Variants in PSMA1 observed in about 807,000 individuals in gnomAD.
PSMA1 encodes proteasome 20S subunit alpha 1.
PSMA1 carries 3 observed loss-of-function variants against 38.4 expected under a neutral mutation model. The ratio of observed to expected loss-of-function variants is 0.08; its 90% CI spans 0.04 to 0.20. The LOEUF (loss-of-function observed/expected upper bound fraction) is 0.20, where lower values mean the gene tolerates loss of function less well. Among genes scored for constraint, PSMA1 ranks in the 10% least tolerant of loss-of-function variants. The pLI is 1.00. For missense variants in PSMA1, 227 were observed against 325.3 expected, an observed-to-expected ratio of 0.70 and a Z score of 2.32; for synonymous variants, 101 against 107.1, an observed-to-expected ratio of 0.94 and a Z score of 0.35.
chr11:14,571,164 G>C (rs933718261), intron 2 of PSMA1, among the ~76,000 whole-genome samples: 1 of 152,284 alleles, frequency 6.6e-6, no homozygotes, highest in East Asian at 1.9e-4. Context: ...CCAGGTTCTC[G>C]CCATTCTCCT....
chr11:14,579,486 CTTTTTTTT>C (rs756980966), intron 2 of PSMA1, among the ~76,000 whole-genome samples: 68 of 112,524 alleles, frequency 6.0e-4, no homozygotes, highest in Admixed American at 1.8e-3. Flanking sequence ...GCTGCAAAGA[CTTTTTTTT>C]TTTTTTTTTT....
At position 14,552,630 on chromosome 11, in the gene PSMA1, G is replaced by T. The variant is rs941666082; in HGVS notation, c.22-33589C>A. Reference sequence around the variant, plus strand: ...GCTACTTGCCTTCTTGAAGCAGTGAGCATCTGCATTAGAGTCCCCCTGGGC... The same window carrying T: ...GCTACTTGCCTTCTTGAAGCAGTGATCATCTGCATTAGAGTCCCCCTGGGC... On this transcript the variant is annotated intron_variant, in intron 2 of 10. Coordinates refer to the PSMA1 transcript ENST00000418988. 3.3e-5 allele frequency among the ~76,000 whole-genome samples: 5 copies of T among 152,040 alleles called. No homozygotes were observed. In the South Asian group the frequency reaches 1.0e-3, roughly 32 times the overall value.
intron 1 of PSMA1, chr11:14,519,278 ACACCCTCCATATCAACCCCTT>A: frequency 1.7e-6 from 1 of 573,022 alleles, no homozygotes; most frequent in Non-Finnish European, 3.3e-6. Context: ...TCTTATTCTA[ACACCCTCCATATCAACCCCTT>A]TAGGCTCAAT....
Position 14,507,725 on chromosome 11 carries a change from T to C in PSMA1, c.666A>G (p.Thr222=). The stretch of plus-strand genomic sequence containing the variant: ...GAGACACATCATCATCATCATAGAT[T>C]GTAAACTCCAAGTCTTTACCAACAA... ...IGIVGKDLEF[T]IYDDDDVSPF... Residue 222 remains threonine, a synonymous_variant, in exon 9 of 10, where the codon ACA becomes ACG. Coordinates refer to ENST00000396394, the MANE Select transcript of PSMA1 (RefSeq NM_002786.4). 1.9e-6 allele frequency: 3 copies of C among 1,613,310 alleles called. No individual in the cohort carries two copies. Among genetic ancestry groups the C allele is most frequent in the Non-Finnish European group, 2.5e-6 (3 of 1,179,466 alleles).
chr11:14,611,153 T>C lies in PSMA1; in HGVS notation c.-165-2A>G. On this transcript the variant is annotated splice_acceptor_variant, in intron 1 of 10. Coordinates refer to the PSMA1 transcript ENST00000418988. LOFTEE classifies it low-confidence loss of function (5UTR_SPLICE). ...CATGCTTTTTGCAGGGTGGAATACC[T>C]GAAAGACAATGGAGAAGGTAAAAGG... 1 of 612,060 alleles carries C rather than the reference T, an allele frequency of 1.6e-6. No homozygotes were observed. Among genetic ancestry groups the C allele is most frequent in the Middle Eastern group, 3.4e-4 (1 of 2,964 alleles). The allele number at this position is 612,060 out of a possible 1,614,324, so 37.9% of individuals were successfully genotyped here.
chr11:14,586,897 A>G (rs1298084398), intron 2 of PSMA1, among the ~76,000 whole-genome samples: 1 of 151,932 alleles, frequency 6.6e-6, no homozygotes, highest in Non-Finnish European at 1.5e-5. Flanking sequence ...AGTAGCTGGG[A>G]TTACAGGTGC....
At chr11:14,633,543 C>G (rs1187521807) in intron 1 of PSMA1, among the ~76,000 whole-genome samples, 41 of 152,146 alleles carry the variant, frequency 2.7e-4, no homozygotes, top group African/African-American at 9.9e-4. Flanking sequence ...CTCTTCAAAG[C>G]TGTCAGACAG....
chr11:14,521,628 C>G (rs1851531359), upstream of PSMA1, among the ~76,000 whole-genome samples: 1 of 151,186 alleles, frequency 6.6e-6, no homozygotes, highest in South Asian at 2.1e-4. Context: ...ACTAAAAATA[C>G]AAAAATTAGC....
chr11:14,630,641 C>T (rs1273027202), intron 1 of PSMA1, among the ~76,000 whole-genome samples: 3 of 151,364 alleles, frequency 2.0e-5, no homozygotes, highest in Non-Finnish European at 3.0e-5. Context: ...TTTGTTGTGT[C>T]TCTGCCTGGC....
chr11:14,616,231 G>GTTTTTTTTTTTTTT (rs34292683), intron 1 of PSMA1, among the ~76,000 whole-genome samples: 1 of 126,686 alleles, frequency 7.9e-6, no homozygotes. Flanking sequence ...GATCCCAACA[G>GTTTTTTTTTTTTTT]TTTTTTTTTT....
intron 2 of PSMA1, among the ~76,000 whole-genome samples, chr11:14,609,335 A>T (rs868243652): frequency 7.9e-5 from 12 of 152,242 alleles, no homozygotes; most frequent in Middle Eastern, 3.2e-3. Context: ...TTCATACTGC[A>T]AATAATTACT....
At chr11:14,638,898 A>T (rs1228726812) in intron 1 of PSMA1, among the ~76,000 whole-genome samples, 1 of 151,782 alleles carries the variant, frequency 6.6e-6, no homozygotes, top group Non-Finnish European at 1.5e-5. Flanking sequence ...TAGGGAGGGA[A>T]CAAGAAAACT....
At position 14,520,308 on chromosome 11, in the gene PSMA1, C is replaced by G; in HGVS notation, c.-9G>C. The G allele has an allele frequency of 6.2e-7, 1 of 1,614,200 alleles. No individual in the cohort carries two copies. The highest frequency in any genetic ancestry group is 8.5e-7 in the Non-Finnish European group (1 of 1,180,000). On this transcript the variant is annotated 5_prime_UTR_variant, in exon 1 of 10. Transcript: ENST00000396394. The stretch of plus-strand genomic sequence containing the variant: ...GGGATTCAACGTACCATGGTGGCGG[C>G]GCGGGCCTGGTTGCGGCCTCCAGCA...
intron 1 of PSMA1, among the ~76,000 whole-genome samples, chr11:14,630,274 C>T (rs1331675076): frequency 6.6e-6 from 1 of 152,044 alleles, no homozygotes; most frequent in Non-Finnish European, 1.5e-5. Flanking sequence ...CAGTTTTTGC[C>T]CATTCAGTAT....
At chr11:14,597,477 G>A (rs995249493) in intron 2 of PSMA1, among the ~76,000 whole-genome samples, 1 of 152,154 alleles carries the variant, frequency 6.6e-6, no homozygotes, top group East Asian at 1.9e-4. Flanking sequence ...TCTTGGGAGG[G>A]TGTATGTGTC....
intron 2 of PSMA1, among the ~76,000 whole-genome samples, chr11:14,544,769 G>A (rs918663768): frequency 2.0e-5 from 3 of 152,158 alleles, no homozygotes; most frequent in Non-Finnish European, 2.9e-5. Context: ...AAACAGTCAC[G>A]CAGTTCTTCA....
intron 2 of PSMA1, among the ~76,000 whole-genome samples, chr11:14,585,596 A>G (rs1219905196): frequency 6.6e-6 from 1 of 152,228 alleles, no homozygotes; most frequent in African/African-American, 2.4e-5. Flanking sequence ...TTTCACATGC[A>G]GTTGATCCAC....
At chr11:14,632,637 T>A (rs1229767340) in intron 1 of PSMA1, among the ~76,000 whole-genome samples, 15 of 150,680 alleles carry the variant, frequency 1.0e-4, no homozygotes, top group African/African-American at 3.7e-4. Context: ...ATCTGACAAT[T>A]ATGTGTCTTG....
At chr11:14,521,298 C>CAATAAT (rs1225881734), upstream of PSMA1, among the ~76,000 whole-genome samples, 3,536 of 135,596 alleles carry the variant, frequency 0.026, 62 homozygotes, top group Non-Finnish European at 0.04. Context: ...CTCGTCGCTA[C>CAATAAT]AATAATAATA....
Sources: allele counts gnomAD v4.1 joint callset (sites outside exome capture counted in the v4.1 genomes callset), GRCh38; gene constraint gnomAD v4.1.1; transcripts MANE v1.5; gene names NCBI Gene and HGNC (gene_info 2026-07-23, HGNC 2026-07-21).